Variants in ANKS1A observed in about 807,000 individuals in gnomAD.
ANKS1A encodes ankyrin repeat and SAM domain-containing protein 1A.
In ANKS1A, 55 loss-of-function variants were observed where a neutral mutation model predicts 120.3. That is an observed-to-expected ratio of 0.46 (90% CI 0.37 to 0.57). ANKS1A has a LOEUF of 0.57. Ranked by LOEUF, ANKS1A falls within the 20% of genes least tolerant of loss-of-function variation. The pLI, the probability that ANKS1A is intolerant of heterozygous loss-of-function variation, is 0.00. For synonymous variants in ANKS1A, 590 were observed against 604.7 expected (o/e 0.98, Z 0.36); for missense variants, 1,123 against 1,480.3 (o/e 0.76, Z 3.96).
intron 3 of ANKS1A, among the ~76,000 whole-genome samples, chr6:34,977,915 T>C (rs996145045): frequency 1.3e-5 from 2 of 152,050 alleles, no homozygotes; most frequent in Non-Finnish European, 2.9e-5. Flanking sequence ...GAGGTGATAG[T>C]CCTGAAATAG....
Position 35,088,885 on chromosome 6 carries a change from C to T in ANKS1A, c.*276C>T. The T allele has an allele frequency of 7.1e-7, 1 of 1,410,592 alleles. No individual in the cohort carries two copies. The highest frequency in any genetic ancestry group is 1.6e-5 in the South Asian group (1 of 63,404). 87.4% of individuals were successfully genotyped at this position (1,410,592 alleles called of 1,614,324 possible). A position where few individuals can be genotyped will look rare whatever the true frequency, so the allele number is the denominator to read the frequency against. ...CTTGTTCAGAACACATTGTTTTTAACAGAAAAAAAATCTTTTTATAAAATG... is the reference window on the plus strand; with the variant it reads ...CTTGTTCAGAACACATTGTTTTTAATAGAAAAAAAATCTTTTTATAAAATG... On this transcript the variant is annotated 3_prime_UTR_variant, in exon 24 of 24. Coordinates refer to ENST00000360359, the MANE Select transcript of ANKS1A (RefSeq NM_015245.3).
At chr6:35,081,209 G>T in intron 17 of ANKS1A, 51 bp downstream of exon 17, 1 of 1,536,922 alleles carries the variant, frequency 6.5e-7, no homozygotes, top group Non-Finnish European at 8.7e-7. Flanking sequence ...ATTCCTCTGG[G>T]TGGGACAGGG....
chr6:35,052,509 C>T (rs753257135), intron 11 of ANKS1A, among the ~76,000 whole-genome samples: 1 of 145,952 alleles, frequency 6.9e-6, no homozygotes, highest in East Asian at 2.1e-4. Context: ...CTGTCGTCGT[C>T]GTCTTAGCTA....
At chr6:34,952,917 C>T (rs569203983) in intron 1 of ANKS1A, among the ~76,000 whole-genome samples, 4 of 152,206 alleles carry the variant, frequency 2.6e-5, no homozygotes, top group Admixed American at 1.3e-4. Flanking sequence ...TCCATGTTGG[C>T]CAGGCTGGTC....
Position 35,089,405 on chromosome 6 carries a change from C to T in ANKS1A, c.*796C>T. 1 of 986,698 alleles carries T rather than the reference C, an allele frequency of 1.0e-6. No homozygotes were observed. Among genetic ancestry groups the T allele is most frequent in the Non-Finnish European group, 1.2e-6 (1 of 830,570 alleles). 61.1% of individuals were successfully genotyped at this position (986,698 alleles called of 1,614,324 possible). Reference sequence around the variant, plus strand: ...CTCTTACCTGTCAGTGATCGGAGCACTGCCCTGGGCTGGCCGGCGCCGTAC... The same window carrying T: ...CTCTTACCTGTCAGTGATCGGAGCATTGCCCTGGGCTGGCCGGCGCCGTAC... On this transcript the variant is annotated 3_prime_UTR_variant, in exon 24 of 24. Transcript: ENST00000360359.
chr6:35,015,539 G>A (rs1773954502), intron 10 of ANKS1A, among the ~76,000 whole-genome samples: 1 of 152,082 alleles, frequency 6.6e-6, no homozygotes, highest in African/African-American at 2.4e-5. Flanking sequence ...AGATGCCAAA[G>A]TTGGTGCTTC....
At chr6:34,916,695 A>G (rs1768183222) in intron 1 of ANKS1A, among the ~76,000 whole-genome samples, 1 of 152,162 alleles carries the variant, frequency 6.6e-6, no homozygotes, top group South Asian at 2.1e-4. Context: ...TAAAAATAAA[A>G]TTTTCAGAGT....
chr6:34,905,106 C>T (rs1767581392), intron 1 of ANKS1A, among the ~76,000 whole-genome samples: 4 of 152,334 alleles, frequency 2.6e-5, no homozygotes, highest in East Asian at 1.9e-4. Flanking sequence ...CCACTGTGCC[C>T]GGTCAACGTC....
At chr6:35,006,927 T>C (rs1366627548) in intron 10 of ANKS1A, among the ~76,000 whole-genome samples, 1 of 152,124 alleles carries the variant, frequency 6.6e-6, no homozygotes, top group Non-Finnish European at 1.5e-5. Flanking sequence ...GGAGGATAGC[T>C]TGAGCCTAGG....
chr6:35,095,615 CAA>C (rs1417612849), downstream of ANKS1A, among the ~76,000 whole-genome samples: 1 of 73,076 alleles, frequency 1.4e-5, no homozygotes, highest in Non-Finnish European at 2.9e-5. Context: ...AGAGAAACAA[CAA>C]AAAACAACAA....
chr6:35,068,724 C>T (rs1325788186), intron 13 of ANKS1A, among the ~76,000 whole-genome samples: 1 of 152,168 alleles, frequency 6.6e-6, no homozygotes, highest in African/African-American at 2.4e-5. Context: ...CTTGTAAGTC[C>T]AGGATCATAG....
intron 12 of ANKS1A, among the ~76,000 whole-genome samples, chr6:35,055,486 C>G (rs9368846): frequency 0.11 from 17,204 of 151,994 alleles, 1,163 homozygotes; most frequent in East Asian, 0.34. Context: ...TGTAACACCA[C>G]GCCTGGCTGA....
At chr6:34,956,358 T>C (rs72894091) in intron 1 of ANKS1A, among the ~76,000 whole-genome samples, 5 of 150,498 alleles carry the variant, frequency 3.3e-5, no homozygotes, top group Non-Finnish European at 5.9e-5. Flanking sequence ...TTTTTTTGGG[T>C]TTTTTTTGTG....
At chr6:35,042,563 CATCCT>C (rs1450028726) in intron 11 of ANKS1A, among the ~76,000 whole-genome samples, 3 of 152,186 alleles carry the variant, frequency 2.0e-5, no homozygotes, top group African/African-American at 7.2e-5. Context: ...GACCGGGAGC[CATCCT>C]CGGACCTTAT....
rs1353706151 is a variant in ANKS1A at position 35,084,172 on chromosome 6, C to A, written c.3046C>A (p.Pro1016Thr). 6.2e-7 allele frequency: 1 copy of A among 1,614,198 alleles called. No individual in the cohort carries two copies. The highest frequency in any genetic ancestry group is 1.3e-5 in the African/African-American group (1 of 75,048). ...GAACATTTCCTGTGCGGCCCAGGAC[C>A]CGGAGGACCTCTGTACCTTTGCCTA... ...IRNISCAAQDPEDLCTFAYIT... is the reference protein window; with the variant it reads ...IRNISCAAQDTEDLCTFAYIT... Residue 1016 changes from proline (P) to threonine (T), a missense_variant, in exon 21 of 24, where the codon CCG (proline) becomes ACG (threonine). By Grantham distance (38) the Pro-to-Thr change is conservative (BLOSUM62 -1). Around this residue, in one of 3 missense-constraint regions of ANKS1A, gnomAD observed 904 missense variants for 1,130.4 expected, o/e 0.80. Coordinates refer to ENST00000360359, the MANE Select transcript of ANKS1A (RefSeq NM_015245.3). This position sits in a 1 kb window ranked among gnomAD's most constrained non-coding sequence, Gnocchi z 4.8.
intron 1 of ANKS1A, among the ~76,000 whole-genome samples, chr6:34,944,521 T>C (rs1483139857): frequency 6.6e-6 from 1 of 152,234 alleles, no homozygotes; most frequent in Non-Finnish European, 1.5e-5. Context: ...GTGAGGTGTC[T>C]GTTCAGATCT....
intron 10 of ANKS1A, among the ~76,000 whole-genome samples, chr6:35,002,238 C>T (rs1452145445): frequency 6.6e-6 from 1 of 152,078 alleles, no homozygotes; most frequent in Non-Finnish European, 1.5e-5. Flanking sequence ...GTGCGCCCAA[C>T]CTCCGAGACC....
At chr6:34,899,606 C>A (rs552268434) in intron 1 of ANKS1A, among the ~76,000 whole-genome samples, 2 of 152,192 alleles carry the variant, frequency 1.3e-5, no homozygotes, top group Non-Finnish European at 2.9e-5. Context: ...ATAGTTGAGA[C>A]CTATTTACAA....
chr6:35,095,633 AC>A (rs1778447660), downstream of ANKS1A, among the ~76,000 whole-genome samples: 2 of 149,382 alleles, frequency 1.3e-5, no homozygotes, highest in Non-Finnish European at 3.0e-5. Context: ...AACAAAAAAA[AC>A]AGTCACTTTT....
Sources: gnomAD v4.1 joint callset for allele counts (sites outside exome capture counted in the v4.1 genomes callset) on GRCh38, gnomAD v4.1.1 for gene constraint, gnomAD v4.1.1 regional missense constraint, Gnocchi (gnomAD v3.1) non-coding constraint, MANE v1.5 for transcripts, NCBI Gene and HGNC (gene_info 2026-07-23, HGNC 2026-07-21) for gene names.